Variants in OARD1 observed in about 807,000 individuals in gnomAD.
The protein encoded by OARD1 is O-acyl-ADP-ribose deacylase 1.
A neutral mutation model predicts 19.7 loss-of-function variants in OARD1; 19 were observed. The observed-to-expected ratio is 0.96, with a 90% confidence interval of 0.67 to 1.41. The LOEUF is 1.41. Among genes scored for constraint, OARD1 ranks in the 40% most tolerant of loss-of-function variants. OARD1 has a pLI of 0.00. For missense variants in OARD1, 190 were observed against 183.8 expected (o/e 1.03, Z -0.20); for synonymous variants, 70 against 61.8 (o/e 1.13, Z -0.62).
chr6:41,079,264 C>A (rs1421532428), intron 1 of OARD1: 27 of 1,133,204 alleles, frequency 2.4e-5, no homozygotes, highest in Non-Finnish European at 3.4e-5. Flanking sequence ...TTGAAAGATA[C>A]CAGATCTTGT....
intron 3 of OARD1, among the ~76,000 whole-genome samples, chr6:41,070,439 G>T (rs1291450642): frequency 6.6e-6 from 1 of 152,008 alleles, no homozygotes; most frequent in Non-Finnish European, 1.5e-5. Flanking sequence ...CCTTGAAATT[G>T]TTTTATAGTG....
intron 1 of OARD1, chr6:41,083,959 C>A: frequency 1.6e-6 from 2 of 1,290,092 alleles, no homozygotes; most frequent in Non-Finnish European, 2.1e-6. Context: ...TCTAGCAAGG[C>A]AGCAGAATAG....
chr6:41,082,334 C>T (rs942346193), intron 1 of OARD1, among the ~76,000 whole-genome samples: 7 of 152,226 alleles, frequency 4.6e-5, no homozygotes, highest in African/African-American at 1.7e-4. Context: ...ATGCTTGCTT[C>T]ATCTTACTCA....
At chr6:41,077,816 C>CT (rs1763782710) in intron 1 of OARD1, among the ~76,000 whole-genome samples, 1 of 152,144 alleles carries the variant, frequency 6.6e-6, no homozygotes, top group Non-Finnish European at 1.5e-5. Context: ...AAGGGCAGTG[C>CT]TTTGGAGAAC....
Position 41,065,408 on chromosome 6 carries a change from C to T in OARD1, c.*1927G>A, listed in dbSNP as rs139258255. The T allele has an allele frequency of 6.2e-4, 95 of 152,286 alleles. No individual in the cohort carries two copies. Among genetic ancestry groups the T allele is most frequent in the African/African-American group, 2.1e-3 (87 of 41,546 alleles). The allele number at this position is 152,286 out of a possible 1,614,324, so 9.4% of individuals were successfully genotyped here. A position where few individuals can be genotyped will look rare whatever the true frequency, so the allele number is the denominator to read the frequency against. ...CTGAACTCAACTTAAGATGGGGTTA[C>T]CCAGACATAGACCTAAGTTGAGGAG... On this transcript the variant is annotated 3_prime_UTR_variant, in exon 6 of 6. Coordinates refer to ENST00000424266, the MANE Select transcript of OARD1 (RefSeq NM_001329686.2).
At chr6:41,094,353 C>T (rs1764289273) in intron 1 of OARD1, 19 of 1,543,300 alleles carry the variant, frequency 1.2e-5, no homozygotes, top group Non-Finnish European at 1.5e-5. Flanking sequence ...TGTGCTGGTT[C>T]TGGATAGTAT....
At chr6:41,084,030 T>C (rs775649217) in intron 1 of OARD1, 13 of 1,583,860 alleles carry the variant, frequency 8.2e-6, no homozygotes, top group South Asian at 5.8e-5. Flanking sequence ...ATTGTTCTTA[T>C]TTTATTTCAT....
intron 1 of OARD1, among the ~76,000 whole-genome samples, chr6:41,096,223 A>G (rs1185975229): frequency 6.6e-6 from 1 of 152,126 alleles, no homozygotes; most frequent in Admixed American, 6.5e-5. Context: ...TCAACAATCA[A>G]ACTAGGTTTC....
rs1021904155 is a variant in OARD1, at chr6:41,091,626, G to A, written c.-42+6087C>T. 5.6e-6 allele frequency: 9 copies of A among 1,614,092 alleles called. No homozygotes were observed. In the Admixed American group the frequency reaches 8.3e-5, roughly 15 times the overall value. ...AGCCAATACCAACACAACCAGCAGT[G>A]GGCAAGGGACTGTCACTGTGACACT... On this transcript the variant is annotated intron_variant, in intron 1 of 4. Transcript: ENST00000480585.
At chr6:41,089,834 T>G in intron 1 of OARD1, 2 of 1,383,010 alleles carry the variant, frequency 1.4e-6, no homozygotes, top group Non-Finnish European at 1.9e-6. Context: ...AAAAATATAT[T>G]TTTGGCCGGG....
intron 1 of OARD1, among the ~76,000 whole-genome samples, chr6:41,096,421 C>T (rs1243701695): frequency 6.6e-6 from 1 of 152,200 alleles, no homozygotes; most frequent in East Asian, 1.9e-4. Context: ...ACAATATGAT[C>T]TTGGTCAATT....
chr6:41,095,360 C>T (rs985914555), intron 1 of OARD1, among the ~76,000 whole-genome samples: 1 of 152,144 alleles, frequency 6.6e-6, no homozygotes, highest in African/African-American at 2.4e-5. Context: ...AGTCTGTATG[C>T]CCTTTATCTT....
upstream of OARD1, chr6:41,072,555 G>C (rs1204695005): frequency 6.6e-6 from 1 of 152,322 alleles, no homozygotes; most frequent in Non-Finnish European, 1.5e-5. Context: ...GAAGGCCGCC[G>C]AACTTCCGGC....
upstream of OARD1, among the ~76,000 whole-genome samples, chr6:41,076,634 G>T (rs1353410738): frequency 6.6e-6 from 1 of 152,230 alleles, no homozygotes; most frequent in African/African-American, 2.4e-5. Context: ...ACTAGGAAGA[G>T]AATTTTCATG....
intron 1 of OARD1, among the ~76,000 whole-genome samples, chr6:41,086,767 A>T (rs1358892038): frequency 6.6e-6 from 1 of 152,200 alleles, no homozygotes; most frequent in Non-Finnish European, 1.5e-5. Flanking sequence ...TTGGCATATA[A>T]TAAAAGTGGT....
intron 1 of OARD1, chr6:41,090,247 C>T: frequency 6.2e-7 from 1 of 1,614,026 alleles, no homozygotes; most frequent in Non-Finnish European, 8.5e-7. Context: ...GTGGCACAGA[C>T]TGCTGAAGGG....
In OARD1 at chr6:41,065,186, A is replaced by G. The variant is rs1405665312; in HGVS notation, c.*2149T>C. 6.6e-6 allele frequency: 1 copy of G among 152,240 alleles called. No individual in the cohort carries two copies. The highest frequency in any genetic ancestry group is 1.5e-5 in the Non-Finnish European group (1 of 68,044). The allele number at this position is 152,240 out of a possible 1,614,324, so 9.4% of individuals were successfully genotyped here. On this transcript the variant is annotated 3_prime_UTR_variant, in exon 6 of 6. Coordinates refer to ENST00000424266, the MANE Select transcript of OARD1 (RefSeq NM_001329686.2). ...TCCTGAATGAGACTAGGTTTTGTCTAAAGAATCAAGGCTCAAACGCCAAGA... is the reference window on the plus strand; with the variant it reads ...TCCTGAATGAGACTAGGTTTTGTCTGAAGAATCAAGGCTCAAACGCCAAGA...
At chr6:41,091,536 C>A in intron 1 of OARD1, 1 of 1,612,856 alleles carries the variant, frequency 6.2e-7, no homozygotes, top group Non-Finnish European at 8.5e-7. Context: ...AGTTACAGTC[C>A]CTGTTTCAGG....
chr6:41,089,765 A>G, intron 1 of OARD1: 1 of 1,585,602 alleles, frequency 6.3e-7, no homozygotes, highest in Non-Finnish European at 8.6e-7. Flanking sequence ...AGAGTCAGAT[A>G]ACTGAGTCAG....
Sources: gnomAD v4.1 joint callset for allele counts (sites outside exome capture counted in the v4.1 genomes callset) on GRCh38, gnomAD v4.1.1 for gene constraint, MANE v1.5 for transcripts, NCBI Gene and HGNC (gene_info 2026-07-23, HGNC 2026-07-21) for gene names.